The following DPH6 variants were observed in gnomAD, a reference collection of about 807,000 sequenced individuals.
The protein encoded by DPH6 is diphthamine biosynthesis 6, also known as diphthine--ammonia ligase.
DPH6 carries 33 observed loss-of-function variants against 38.2 expected under a neutral mutation model. The ratio of observed to expected loss-of-function variants is 0.86; its 90% CI spans 0.65 to 1.15. The LOEUF is 1.15. DPH6 is among the 50% of genes most tolerant of loss of function. The probability of loss-of-function intolerance (pLI) is 0.00; values close to 1 mark genes in which losing one functional copy is unlikely to be tolerated. For missense variants in DPH6, 325 were observed against 320.0 expected, an observed-to-expected ratio of 1.02 and a Z score of -0.12; for synonymous variants, 108 against 103.0, an observed-to-expected ratio of 1.05 and a Z score of -0.30.
At chr15:35,256,245 T>C (rs1044242932) in intron 3 of DPH6, among the ~76,000 whole-genome samples, 1 of 152,182 alleles carries the variant, frequency 6.6e-6, no homozygotes, top group African/African-American at 2.4e-5. Flanking sequence ...CTTTTTCTGT[T>C]GCACGATCCT....
At chr15:35,192,360 T>A in the DPH6 span, among the ~76,000 whole-genome samples, 33 of 152,300 alleles carry the variant, frequency 2.2e-4, no homozygotes, top group African/African-American at 7.9e-4. Context: ...TGGTACAAAG[T>A]AGAGAGCACA....
the DPH6 span, among the ~76,000 whole-genome samples, chr15:35,158,677 A>C: frequency 6.6e-6 from 1 of 152,106 alleles, no homozygotes; most frequent in East Asian, 1.9e-4. Context: ...CAGCTTTTGA[A>C]TTTTTTAGTT....
At chr15:35,477,598 G>T (rs2054278077) in intron 3 of DPH6, among the ~76,000 whole-genome samples, 1 of 151,758 alleles carries the variant, frequency 6.6e-6, no homozygotes, top group East Asian at 1.9e-4. Flanking sequence ...ACAGTACCCA[G>T]TGATTTCATT....
chr15:35,302,806 T>C (rs2052063178), intron 3 of DPH6, among the ~76,000 whole-genome samples: 1 of 152,144 alleles, frequency 6.6e-6, no homozygotes. Context: ...TTTTTTTTTT[T>C]TCTCATGGCA....
At chr15:35,401,447 G>T (rs1314124131) in intron 6 of DPH6, 4 of 773,626 alleles carry the variant, frequency 5.2e-6, no homozygotes, top group African/African-American at 3.4e-5. Context: ...GGAAGCAGGG[G>T]CTATGGAAGT....
chr15:35,379,587 T>C (rs966236935), intron 7 of DPH6, among the ~76,000 whole-genome samples: 1 of 152,190 alleles, frequency 6.6e-6, no homozygotes, highest in African/African-American at 2.4e-5. Context: ...GCACAAAACA[T>C]GTTCACTCAC....
intron 3 of DPH6, among the ~76,000 whole-genome samples, chr15:35,472,015 G>A (rs2054204799): frequency 6.6e-6 from 1 of 152,080 alleles, no homozygotes; most frequent in Non-Finnish European, 1.5e-5. Context: ...TTGTGCTTTA[G>A]CTGCGTTGTG....
chr15:35,160,194 G>GA, the DPH6 span, among the ~76,000 whole-genome samples: 4 of 150,902 alleles, frequency 2.7e-5, no homozygotes, highest in South Asian at 2.1e-4. Context: ...ACTAAAAGTT[G>GA]AAAAAAAAAT....
chr15:35,331,826 G>T (rs988190816), intron 3 of DPH6, among the ~76,000 whole-genome samples: 3 of 152,166 alleles, frequency 2.0e-5, no homozygotes, highest in Non-Finnish European at 4.4e-5. Flanking sequence ...ATTATTGAGG[G>T]TTCCTGCAGG....
intron 3 of DPH6, among the ~76,000 whole-genome samples, chr15:35,470,750 G>A (rs1566922229): frequency 1.3e-5 from 2 of 152,000 alleles, no homozygotes; most frequent in Non-Finnish European, 2.9e-5. Flanking sequence ...AAATGTATCT[G>A]GCTTCACAGT....
chr15:35,419,068 T>TAC (rs145718698), intron 5 of DPH6, among the ~76,000 whole-genome samples: 1,890 of 144,996 alleles, frequency 0.013, 15 homozygotes, highest in African/African-American at 0.021. Context: ...CACACACACA[T>TAC]ACACACACAC....
chr15:35,543,869 G>A (rs2055302374), intron 1 of DPH6, among the ~76,000 whole-genome samples: 1 of 152,164 alleles, frequency 6.6e-6, no homozygotes, highest in South Asian at 2.1e-4. Context: ...ATGACTAATT[G>A]TTTCAGATAT....
At chr15:35,343,020 C>T (rs987339306) in intron 3 of DPH6, among the ~76,000 whole-genome samples, 1 of 152,168 alleles carries the variant, frequency 6.6e-6, no homozygotes, top group Non-Finnish European at 1.5e-5. Flanking sequence ...CATAGCATGT[C>T]ATCCATATAT....
chr15:35,380,781 G>A (rs925706178), intron 7 of DPH6, among the ~76,000 whole-genome samples: 2 of 151,866 alleles, frequency 1.3e-5, no homozygotes, highest in Non-Finnish European at 1.5e-5. Flanking sequence ...ACCTTTTATC[G>A]TAATTACACA....
chr15:35,464,269 G>A (rs1488180499), intron 3 of DPH6, among the ~76,000 whole-genome samples: 1 of 150,410 alleles, frequency 6.6e-6, no homozygotes, highest in Non-Finnish European at 1.5e-5. Flanking sequence ...ACTCCAGCCT[G>A]GCAATAGGGC....
chr15:35,359,344 T>C (rs2052594194), intron 3 of DPH6, among the ~76,000 whole-genome samples: 1 of 152,232 alleles, frequency 6.6e-6, no homozygotes, highest in Non-Finnish European at 1.5e-5. Flanking sequence ...GTTCTTCCCC[T>C]GCCTGTGGAG....
intron 3 of DPH6, among the ~76,000 whole-genome samples, chr15:35,356,169 T>C (rs925218564): frequency 2.6e-5 from 4 of 152,218 alleles, no homozygotes; most frequent in African/African-American, 9.7e-5. Context: ...TTGGTTATTC[T>C]AGTTAGTCAG....
chr15:35,392,725 G>A (rs930167270), intron 6 of DPH6, among the ~76,000 whole-genome samples: 7 of 152,154 alleles, frequency 4.6e-5, no homozygotes, highest in Non-Finnish European at 1.0e-4. Flanking sequence ...GAAATGCTGT[G>A]ACAGTATAAA....
intron 3 of DPH6, among the ~76,000 whole-genome samples, chr15:35,497,428 T>C (rs2054572154): frequency 6.6e-6 from 1 of 152,148 alleles, no homozygotes; most frequent in African/African-American, 2.4e-5. Flanking sequence ...TACAGCAGAG[T>C]TAGAATTGGC....
Sources: allele counts gnomAD v4.1 joint callset (sites outside exome capture counted in the v4.1 genomes callset), GRCh38; gene constraint gnomAD v4.1.1; transcripts MANE v1.5; gene names NCBI Gene and HGNC (gene_info 2026-07-23, HGNC 2026-07-21).